SCARA3: variants seen among roughly 807,000 people sequenced by gnomAD.
SCARA3 encodes the protein cellular stress response gene protein.
Under a neutral mutation model 47.0 loss-of-function variants are expected in SCARA3, and 39 were observed. The ratio of observed to expected loss-of-function variants is 0.83; its 90% CI spans 0.64 to 1.08. The LOEUF (loss-of-function observed/expected upper bound fraction) is 1.08. SCARA3 is among the 50% of genes least tolerant of loss of function. SCARA3 has a pLI of 0.00. For synonymous variants in SCARA3, 356 were observed against 334.1 expected (o/e 1.07, Z -0.71); for missense variants, 724 against 792.3 (o/e 0.91, Z 1.04).
chr8:27,642,518 G>A (rs1284553983), intron 1 of SCARA3, among the ~76,000 whole-genome samples: 1 of 152,144 alleles, frequency 6.6e-6, no homozygotes, highest in Admixed American at 6.5e-5. Context: ...TGACAACGGG[G>A]ATCAAGAGAA....
At chr8:27,665,399 G>A (rs1167085309) in intron 5 of SCARA3, among the ~76,000 whole-genome samples, 3 of 152,218 alleles carry the variant, frequency 2.0e-5, no homozygotes, top group Non-Finnish European at 1.5e-5. Context: ...TTCCTACTCT[G>A]CAGGGTAATT....
chr8:27,705,044 C>A, the SCARA3 span, among the ~76,000 whole-genome samples: 1 of 152,204 alleles, frequency 6.6e-6, no homozygotes, highest in Non-Finnish European at 1.5e-5. Context: ...ACGGAACTCA[C>A]ACCACAGCTC....
chr8:27,665,012 C>G (rs1801986439), intron 5 of SCARA3, among the ~76,000 whole-genome samples: 2 of 152,222 alleles, frequency 1.3e-5, no homozygotes, highest in Non-Finnish European at 2.9e-5. Context: ...CTCATTCATT[C>G]ATCCAGAGAC....
chr8:27,663,626 G>A (rs1348262225), intron 5 of SCARA3, among the ~76,000 whole-genome samples: 2 of 152,210 alleles, frequency 1.3e-5, no homozygotes, highest in Non-Finnish European at 2.9e-5. Context: ...TCTCCACCAA[G>A]GCCCAGTAGA....
the SCARA3 span, among the ~76,000 whole-genome samples, chr8:27,729,095 G>T: frequency 6.6e-6 from 1 of 152,166 alleles, no homozygotes; most frequent in Non-Finnish European, 1.5e-5. Context: ...GTATTGGAAA[G>T]TGATCAGGAA....
downstream of SCARA3, among the ~76,000 whole-genome samples, chr8:27,680,640 T>C (rs1802342596): frequency 1.3e-5 from 2 of 152,142 alleles, no homozygotes; most frequent in African/African-American, 4.8e-5. Context: ...AATGCCAACA[T>C]TAGACAAACT....
the SCARA3 span, among the ~76,000 whole-genome samples, chr8:27,686,265 G>A: frequency 6.6e-6 from 1 of 151,760 alleles, no homozygotes; most frequent in Non-Finnish European, 1.5e-5. Flanking sequence ...ACATAGGGAG[G>A]CCCCTTCTCT....
At chr8:27,678,173 G>T (rs1400143271), downstream of SCARA3, among the ~76,000 whole-genome samples, 1 of 151,882 alleles carries the variant, frequency 6.6e-6, no homozygotes, top group Non-Finnish European at 1.5e-5. Context: ...AAAATAAACA[G>T]AAGAAAAGAT....
At chr8:27,720,618 C>CTCCATCCA in the SCARA3 span, among the ~76,000 whole-genome samples, 11,598 of 145,386 alleles carry the variant, frequency 0.08, 526 homozygotes, top group African/African-American at 0.12. Flanking sequence ...TCCTTTCTAT[C>CTCCATCCA]TCCATCCATC....
chr8:27,727,165 G>A, the SCARA3 span, among the ~76,000 whole-genome samples: 3 of 152,248 alleles, frequency 2.0e-5, no homozygotes, highest in East Asian at 5.8e-4. Flanking sequence ...TCCTACCTGA[G>A]CCTCCCAAGT....
chr8:27,725,448 G>A, the SCARA3 span, among the ~76,000 whole-genome samples: 1 of 147,916 alleles, frequency 6.8e-6, no homozygotes, highest in South Asian at 2.1e-4. Context: ...TCTTTTGTGT[G>A]TTTGTTACAT....
the SCARA3 span, among the ~76,000 whole-genome samples, chr8:27,714,193 C>CTTTTTTTTTTTTT: frequency 1.5e-4 from 17 of 114,126 alleles, 1 homozygote; most frequent in South Asian, 6.0e-4. Flanking sequence ...TCAGGTATTC[C>CTTTTTTTTTTTTT]TTTTTTTTTT....
intron 5 of SCARA3, among the ~76,000 whole-genome samples, chr8:27,666,667 G>T (rs1802021452): frequency 6.6e-6 from 1 of 152,208 alleles, no homozygotes; most frequent in African/African-American, 2.4e-5. Flanking sequence ...CCCTCCAGAG[G>T]CACCCCTTTG....
the SCARA3 span, among the ~76,000 whole-genome samples, chr8:27,682,084 C>T: frequency 2.6e-5 from 4 of 151,880 alleles, no homozygotes; most frequent in African/African-American, 4.8e-5. Context: ...GATGTAAAGA[C>T]AGGCAGATAG....
At chr8:27,661,972 A>G (rs1478882289) in intron 5 of SCARA3, among the ~76,000 whole-genome samples, 1 of 152,142 alleles carries the variant, frequency 6.6e-6, no homozygotes, top group Non-Finnish European at 1.5e-5. Context: ...AGTCACCCAC[A>G]CAAGCATAGG....
At chr8:27,713,032 A>AC in the SCARA3 span, among the ~76,000 whole-genome samples, 5 of 152,224 alleles carry the variant, frequency 3.3e-5, no homozygotes, top group Non-Finnish European at 7.3e-5. Flanking sequence ...GCACAATACA[A>AC]CCATCAAAAT....
At position 27,656,842 on chromosome 8, in the gene SCARA3, A is replaced by T; in HGVS notation, c.287A>T (p.Lys96Met). Residue 96 changes from lysine (K) to methionine (M), a missense_variant, in exon 4 of 6, where the codon AAG becomes ATG. Lys to Met is a moderately conservative substitution (Grantham distance 95). Coordinates refer to ENST00000301904, the MANE Select transcript of SCARA3 (RefSeq NM_016240.3). ...DISLTQSIYD[K>M]KLVLMQKNLQ... ...TCCTTGACCCAGTCTATTTATGACA[A>T]GAAGCTTGTGTTAATGCAGAAAAAT... The T allele has an allele frequency of 1.4e-5, 23 of 1,613,046 alleles. No homozygotes were observed. The highest frequency in any genetic ancestry group is 2.0e-5 in the Non-Finnish European group (23 of 1,178,960).
chr8:27,667,083 A>G (rs986866805), intron 5 of SCARA3, among the ~76,000 whole-genome samples: 1 of 152,128 alleles, frequency 6.6e-6, no homozygotes, highest in African/African-American at 2.4e-5. Flanking sequence ...GCCCTTCTCT[A>G]GCCCTTCTCT....
chr8:27,659,876 AAG>A (rs60317551), intron 5 of SCARA3, among the ~76,000 whole-genome samples: 9 of 90,646 alleles, frequency 9.9e-5, no homozygotes, highest in South Asian at 9.7e-4. Context: ...AAAAAAAAAA[AAG>A]AGAGAGAGAG....
Sources: gnomAD v4.1 joint callset for allele counts (sites outside exome capture counted in the v4.1 genomes callset) on GRCh38, gnomAD v4.1.1 for gene constraint, MANE v1.5 for transcripts, NCBI Gene and HGNC (gene_info 2026-07-23, HGNC 2026-07-21) for gene names.